Variants in FAM20B observed in about 807,000 individuals in gnomAD.
The protein encoded by FAM20B is FAM20B glycosaminoglycan xylosylkinase, also known as glycosaminoglycan xylosylkinase.
In FAM20B, 23 loss-of-function variants were observed where a neutral mutation model predicts 43.8. The observed-to-expected ratio is 0.53, with a 90% CI of 0.38 to 0.74. The LOEUF (loss-of-function observed/expected upper bound fraction) is 0.74, where lower values mean the gene tolerates loss of function less well. FAM20B is among the 30% of genes least tolerant of loss of function. FAM20B has a pLI of 0.00. For missense variants in FAM20B, 440 were observed against 510.5 expected (o/e 0.86, Z 1.33); for synonymous variants, 178 against 192.4 (o/e 0.93, Z 0.62).
At chr1:179,071,073 T>A (rs1166553483) in intron 7 of FAM20B, among the ~76,000 whole-genome samples, 1 of 151,632 alleles carries the variant, frequency 6.6e-6, no homozygotes, top group Non-Finnish European at 1.5e-5. Flanking sequence ...GGCGGGCGGA[T>A]CACGAGGTCA....
chr1:179,071,765 C>T (rs545192291), intron 7 of FAM20B, 148 bp from the exon 8 acceptor site: 17 of 632,284 alleles, frequency 2.7e-5, no homozygotes, highest in South Asian at 2.2e-4. Context: ...GTGGCTTACT[C>T]ATTATGTAGG....
intron 1 of FAM20B, among the ~76,000 whole-genome samples, chr1:179,040,478 C>T (rs879069857): frequency 1.3e-5 from 2 of 148,356 alleles, no homozygotes; most frequent in Admixed American, 6.6e-5. Flanking sequence ...GGCGGCTAGC[C>T]GGGCGGGGGG....
rs1274396453 is a variant in FAM20B at position 179,072,607 on chromosome 1, A to G, written c.*463A>G. 1 of 159,802 alleles carries G rather than the reference A, an allele frequency of 6.3e-6. No homozygotes were observed. Among genetic ancestry groups the G allele is most frequent in the African/African-American group, 2.4e-5 (1 of 41,592 alleles). The allele number at this position is 159,802 out of a possible 1,614,324, so 9.9% of individuals were successfully genotyped here. On this transcript the variant is annotated 3_prime_UTR_variant, in exon 8 of 8. Coordinates refer to ENST00000263733, the MANE Select transcript of FAM20B (RefSeq NM_014864.4). ...TACATTGGAATGCTTACTGTCCTACAGAGTGGCAGCAAATAAAACCTTGCA... is the reference window on the plus strand; with the variant it reads ...TACATTGGAATGCTTACTGTCCTACGGAGTGGCAGCAAATAAAACCTTGCA...
At position 179,055,031 on chromosome 1, in the gene FAM20B, T is replaced by C. The variant is rs529288899; in HGVS notation, c.574+393T>C. 2.6e-5 allele frequency among the ~76,000 whole-genome samples: 4 copies of C among 152,308 alleles called. No individual in the cohort carries two copies. The South Asian group carries it at 8.3e-4, about 32-fold the overall frequency. The stretch of plus-strand genomic sequence containing the variant: ...ATGTTTCCTCAGGAACTGTCTCCCA[T>C]CTCCTTAGAATTGAGGAAATCTTAA... On this transcript the variant is annotated intron_variant, in intron 4 of 7. Coordinates refer to ENST00000263733, the MANE Select transcript of FAM20B (RefSeq NM_014864.4).
At chr1:179,040,225 C>G (rs1179196031) in intron 1 of FAM20B, among the ~76,000 whole-genome samples, 1 of 152,256 alleles carries the variant, frequency 6.6e-6, no homozygotes, top group Non-Finnish European at 1.5e-5. Context: ...GTCATCATGG[C>G]CCGTTCCCAG....
chr1:179,068,226 CTTTTT>C (rs1557880008), intron 7 of FAM20B, among the ~76,000 whole-genome samples: 1 of 152,130 alleles, frequency 6.6e-6, no homozygotes, highest in Non-Finnish European at 1.5e-5. Context: ...AATCTTCTTT[CTTTTT>C]TTAAATGACA....
chr1:179,048,073 C>A (rs1370004082), intron 2 of FAM20B, among the ~76,000 whole-genome samples: 1 of 151,914 alleles, frequency 6.6e-6, no homozygotes, highest in Non-Finnish European at 1.5e-5. Context: ...TTTTGCCTTA[C>A]ATTATAAGTA....
At chr1:179,029,656 G>C (rs879766930) in intron 1 of FAM20B, among the ~76,000 whole-genome samples, 1 of 152,272 alleles carries the variant, frequency 6.6e-6, no homozygotes, top group East Asian at 1.9e-4. Context: ...ACTTGGGCAC[G>C]TTATAAAGGC....
chr1:179,043,884 C>T lies in FAM20B; in HGVS notation c.37C>T (p.Leu13Phe). 6.2e-7 allele frequency: 1 copy of T among 1,608,794 alleles called. No homozygotes were observed. The highest frequency in any genetic ancestry group is 8.5e-7 in the Non-Finnish European group (1 of 1,175,452). The change falls in exon 2 of 8, where the codon CTC (leucine) becomes TTC (phenylalanine). Residue 13 changes from leucine to phenylalanine, a missense_variant. Transcript: ENST00000263733. ...LKQRVVLLAI[L>F]LVIFIFTKVF... ...GCAGCGAGTCGTGCTGTTAGCAATTCTCCTTGTCATTTTTATCTTCACCAA... is the reference window on the plus strand; with the variant it reads ...GCAGCGAGTCGTGCTGTTAGCAATTTTCCTTGTCATTTTTATCTTCACCAA...
rs765159640 is a variant in FAM20B at position 179,066,809 on chromosome 1, C to A, written c.948C>A (p.Asn316Lys). ...TTAATTTAATTTTCAGCTTTGGGAACCCCTCGCTGGATGAAAGAAGCATTC... is the reference window on the plus strand; with the variant it reads ...TTAATTTAATTTTCAGCTTTGGGAAACCCTCGCTGGATGAAAGAAGCATTC... The part of the protein sequence containing the change: ...ILLDNAKSFG[N>K]PSLDERSILA... Residue 316 changes from asparagine (N) to lysine (K), a missense_variant, in exon 7 of 8, where the codon AAC becomes AAA. Coordinates refer to ENST00000263733, the MANE Select transcript of FAM20B (RefSeq NM_014864.4). 2.5e-5 allele frequency: 40 copies of A among 1,611,518 alleles called. No individual in the cohort carries two copies. In the South Asian group the frequency reaches 4.1e-4, roughly 16 times the overall value.
At chr1:179,069,415 G>A (rs1021620818) in intron 7 of FAM20B, among the ~76,000 whole-genome samples, 14 of 152,208 alleles carry the variant, frequency 9.2e-5, no homozygotes, top group African/African-American at 3.1e-4. Context: ...CTGTCGCCCA[G>A]GCTGGAGTGT....
At chr1:179,066,036 A>C (rs1263548905) in intron 6 of FAM20B, among the ~76,000 whole-genome samples, 1 of 152,170 alleles carries the variant, frequency 6.6e-6, no homozygotes, top group Non-Finnish European at 1.5e-5. Context: ...CAAAGGCCCT[A>C]CTTCTTAATA....
intron 4 of FAM20B, among the ~76,000 whole-genome samples, chr1:179,063,141 G>T (rs1651545070): frequency 6.6e-6 from 1 of 152,156 alleles, no homozygotes; most frequent in South Asian, 2.1e-4. Flanking sequence ...GCCAAGCATG[G>T]TGGCATGCGC....
upstream of FAM20B, among the ~76,000 whole-genome samples, chr1:179,023,623 TAAAC>T (rs1211400848): frequency 1.3e-5 from 2 of 152,180 alleles, no homozygotes; most frequent in Non-Finnish European, 2.9e-5. Flanking sequence ...AATGAATGAA[TAAAC>T]AAACAAATGA....
intron 2 of FAM20B, among the ~76,000 whole-genome samples, chr1:179,044,428 T>C (rs1650681685): frequency 6.6e-6 from 1 of 152,200 alleles, no homozygotes; most frequent in African/African-American, 2.4e-5. Context: ...GCCCTAAAAA[T>C]CCTCTGTGTT....
intron 2 of FAM20B, among the ~76,000 whole-genome samples, chr1:179,048,652 T>C (rs575954888): frequency 2.0e-5 from 3 of 152,326 alleles, no homozygotes; most frequent in African/African-American, 4.8e-5. Context: ...AATTTGACTT[T>C]TAATTTAGAG....
chr1:179,019,077 AGTCCACGCACAGT>A, the FAM20B span, among the ~76,000 whole-genome samples: 1 of 152,222 alleles, frequency 6.6e-6, no homozygotes, highest in Non-Finnish European at 1.5e-5. Flanking sequence ...GATTGGATGC[AGTCCACGCACAGT>A]GGGGAGGGCC....
chr1:179,032,054 T>G (rs370881649), intron 1 of FAM20B, among the ~76,000 whole-genome samples: 90 of 152,276 alleles, frequency 5.9e-4, no homozygotes, highest in African/African-American at 2.0e-3. Flanking sequence ...CCTCTCAAAT[T>G]TAGGCAAGAA....
chr1:179,056,989 C>G (rs1651249878), intron 4 of FAM20B, among the ~76,000 whole-genome samples: 1 of 152,088 alleles, frequency 6.6e-6, no homozygotes, highest in South Asian at 2.1e-4. Context: ...TTCTTACTGT[C>G]AAGTTTTAGG....
Sources: allele counts gnomAD v4.1 joint callset (sites outside exome capture counted in the v4.1 genomes callset), GRCh38; gene constraint gnomAD v4.1.1; transcripts MANE v1.5; gene names NCBI Gene and HGNC (gene_info 2026-07-23, HGNC 2026-07-21).